FOSL1: variants seen among roughly 807,000 people sequenced by gnomAD.
FOSL1 encodes fos-related antigen 1.
Under a neutral mutation model 24.9 loss-of-function variants are expected in FOSL1, and 14 were observed. The observed-to-expected ratio is 0.56, with a 90% CI of 0.37 to 0.88. The LOEUF is 0.88. FOSL1 is among the 40% of genes least tolerant of loss of function. FOSL1 has a pLI of 0.00. For missense variants in FOSL1, 318 were observed against 359.8 expected (o/e 0.88, Z 0.94); for synonymous variants, 133 against 145.1 (o/e 0.92, Z 0.60).
rs1217333944 is a variant in FOSL1 at position 65,894,977 on chromosome 11, T to TG, written c.298-857_298-856insC. ...CGGCCTTTTTTTTTCTTTTTTTTTT[T>TG]TGTGTAGTGACGGGGTCTCACTGTG... On this transcript the variant is annotated intron_variant, in intron 2 of 3. Transcript: ENST00000312562. Among the ~76,000 whole-genome samples, 596 of 151,076 alleles carry TG rather than the reference T, an allele frequency of 3.9e-3. 9 individuals are homozygous for TG. Among genetic ancestry groups the TG allele is most frequent in the African/African-American group, 0.014 (564 of 41,184 alleles).
At chr11:65,893,758 A>G (rs1860454585) in intron 3 of FOSL1, among the ~76,000 whole-genome samples, 3 of 151,990 alleles carry the variant, frequency 2.0e-5, no homozygotes, top group Admixed American at 2.0e-4. Flanking sequence ...AGATCTCATC[A>G]CTGCACTCCA....
At chr11:65,894,230 C>G (rs996241628) in intron 2 of FOSL1, 109 bp from the exon 3 acceptor site, 6 of 741,560 alleles carry the variant, frequency 8.1e-6, no homozygotes, top group East Asian at 5.4e-5. Context: ...GGCAGGGCCC[C>G]CTCAGCCGGT....
chr11:65,896,476 C>T (rs541351441), intron 2 of FOSL1, among the ~76,000 whole-genome samples: 48 of 152,222 alleles, frequency 3.2e-4, no homozygotes, highest in African/African-American at 6.7e-4. Context: ...ATTCCGTGTG[C>T]GCACCTTACA....
intron 2 of FOSL1, among the ~76,000 whole-genome samples, chr11:65,896,033 A>G (rs951260880): frequency 6.6e-6 from 1 of 151,780 alleles, no homozygotes; most frequent in Non-Finnish European, 1.5e-5. Context: ...GTTTTATTTT[A>G]TTTTGTTTTT....
chr11:65,897,305 G>T (rs1294388765), intron 1 of FOSL1, among the ~76,000 whole-genome samples: 1 of 151,868 alleles, frequency 6.6e-6, no homozygotes, highest in Non-Finnish European at 1.5e-5. Flanking sequence ...TCATATCATT[G>T]GCACAGTAAT....
At chr11:65,899,340 C>G (rs568398057) in intron 1 of FOSL1, among the ~76,000 whole-genome samples, 1 of 152,342 alleles carries the variant, frequency 6.6e-6, no homozygotes, top group Admixed American at 6.5e-5. Context: ...ATCTCCCACT[C>G]CCGGGCCCGG....
rs761382984 is a variant in FOSL1, at chr11:65,892,731, T to C, written c.*155A>G. ...AGCTTTGGTGGCCCCAAGCTGGCTC[T>C]ACTGTGAAGCACAATATGGTCAGTC... On this transcript the variant is annotated 3_prime_UTR_variant, in exon 4 of 4. Transcript: ENST00000312562. The C allele has an allele frequency of 1.4e-5, 11 of 780,518 alleles. No individual in the cohort carries two copies. The highest frequency in any genetic ancestry group is 2.4e-5 in the Non-Finnish European group (11 of 460,544). 48.3% of individuals were successfully genotyped at this position (780,518 alleles called of 1,614,324 possible).
rs1169782209 is a variant in FOSL1 at position 65,900,274 on chromosome 11, C to T, written c.66G>A (p.Ala22=). ...CTGCCTGCGCTGCGGCCGGGGGCTG[C>T]GCGGGGCCGCCGTACCCGCCGCCGT... is the stretch of plus-strand genomic sequence containing the variant. ...SGNGGGYGGP[A]QPPAAAQAAQ... The change falls in exon 1 of 4, where the codon GCG becomes GCA. Residue 22 remains alanine, a synonymous_variant. Transcript: ENST00000312562. The T allele has an allele frequency of 1.6e-5, 20 of 1,244,524 alleles. No individual in the cohort carries two copies. The highest frequency in any genetic ancestry group is 1.9e-5 in the Non-Finnish European group (19 of 994,366). The allele number at this position is 1,244,524 out of a possible 1,614,324, so 77.1% of individuals were successfully genotyped here.
intron 1 of FOSL1, 28 bp from the exon 2 acceptor site, chr11:65,897,034 G>A: frequency 6.4e-7 from 1 of 1,571,858 alleles, no homozygotes. Context: ...GAAGGCCACA[G>A]ATGAGGTCCG....
intron 2 of FOSL1, 76 bp downstream of exon 2, chr11:65,896,733 C>T (rs1860534864): frequency 7.8e-7 from 1 of 1,280,000 alleles, no homozygotes; most frequent in African/African-American, 1.5e-5. Context: ...CTGTGCTCTC[C>T]TTTCTGGCAG....
chr11:65,896,690 G>T, intron 2 of FOSL1, 119 bp downstream of exon 2: 4 of 783,302 alleles, frequency 5.1e-6, no homozygotes, highest in Non-Finnish European at 6.1e-6. Flanking sequence ...TTGGGCAGTA[G>T]TCACCTGTAG....
Position 65,894,112 on chromosome 11 carries a change from C to T in FOSL1, c.307G>A (p.Glu103Lys). ...CTTACTCGGCGGCGCTCCTCTTCCT[C>T]CGGGCTGATCTGGGGGTGAGACCCG... ...RRRPCEQISP[E>K]EEERRRVRRE... Residue 103 changes from glutamate to lysine, a missense_variant, in exon 3 of 4, where the codon GAG (glutamate) becomes AAG (lysine). Transcript: ENST00000312562. 6.2e-7 allele frequency: 1 copy of T among 1,604,362 alleles called. No homozygotes were observed. Among genetic ancestry groups the T allele is most frequent in the Non-Finnish European group, 8.5e-7 (1 of 1,178,384 alleles).
intron 3 of FOSL1, among the ~76,000 whole-genome samples, chr11:65,893,547 T>C (rs1860449190): frequency 6.6e-6 from 1 of 152,062 alleles, no homozygotes; most frequent in South Asian, 2.1e-4. Context: ...TCCCAGCACT[T>C]TGGGAGGCTG....
Position 65,896,867 on chromosome 11 carries a change from G to A in FOSL1, c.239C>T (p.Pro80Leu), listed in dbSNP as rs1860539511. The change falls in exon 2 of 4, where the codon CCA (proline) becomes CTA (leucine). Residue 80 changes from proline to leucine, a missense_variant. Physicochemically the swap from Pro to Leu is moderately conservative, Grantham distance 98. Coordinates refer to ENST00000312562, the MANE Select transcript of FOSL1 (RefSeq NM_005438.5). The stretch of plus-strand genomic sequence containing the variant: ...CGGCCCCAGGGCCCGGATGACTCCT[G>A]GCCGGGGTTGTGGGGGGCTGTACTG... Reference protein sequence around the residue: ...YPQYSPPQPRPGVIRALGPPP... With the variant: ...YPQYSPPQPRLGVIRALGPPP... 2.5e-6 allele frequency: 4 copies of A among 1,613,800 alleles called. No homozygotes were observed. Among genetic ancestry groups the A allele is most frequent in the Non-Finnish European group, 3.4e-6 (4 of 1,179,832 alleles).
chr11:65,893,187 C>G lies in FOSL1; in HGVS notation c.515G>C (p.Cys172Ser). The G allele has an allele frequency of 6.2e-7, 1 of 1,613,990 alleles. No individual in the cohort carries two copies. The highest frequency in any genetic ancestry group is 8.5e-7 in the Non-Finnish European group (1 of 1,180,002). ...ELVLEAHRPICKIPEGAKEGD... is the reference protein window; with the variant it reads ...ELVLEAHRPISKIPEGAKEGD... ...CTCCTTGGCTCCTTCCGGGATTTTG[C>G]AGATGGGTCGGTGGGCTTCCAGCAC... is the stretch of plus-strand genomic sequence containing the variant. Residue 172 changes from cysteine to serine, a missense_variant, in exon 4 of 4, where the codon TGC becomes TCC. Coordinates refer to ENST00000312562, the MANE Select transcript of FOSL1 (RefSeq NM_005438.5).
At chr11:65,900,209 C>G in intron 1 of FOSL1, 32 bp downstream of exon 1, 1 of 1,117,158 alleles carries the variant, frequency 9.0e-7, no homozygotes. Flanking sequence ...CGCGGTCCTC[C>G]CGTGGGACCA....
intron 1 of FOSL1, among the ~76,000 whole-genome samples, chr11:65,899,520 C>A (rs971301466): frequency 3.3e-5 from 5 of 152,254 alleles, no homozygotes; most frequent in Non-Finnish European, 1.5e-5. Flanking sequence ...CCCCGGCGGG[C>A]AGCGGGCGCC....
intron 1 of FOSL1, among the ~76,000 whole-genome samples, chr11:65,897,631 C>T (rs1021341504): frequency 2.0e-4 from 30 of 152,088 alleles, no homozygotes; most frequent in Non-Finnish European, 4.0e-4. Context: ...TGAACCACAG[C>T]GCCCAGCCTA....
intron 3 of FOSL1, 34 bp from the exon 4 acceptor site, chr11:65,893,330 A>G: frequency 7.1e-7 from 1 of 1,410,774 alleles, no homozygotes; most frequent in Non-Finnish European, 9.5e-7. Context: ...CAGAAAGGTG[A>G]GGGCTGAATA....
Sources: gnomAD v4.1 joint callset for allele counts (sites outside exome capture counted in the v4.1 genomes callset) on GRCh38, gnomAD v4.1.1 for gene constraint, MANE v1.5 for transcripts, NCBI Gene and HGNC (gene_info 2026-07-23, HGNC 2026-07-21) for gene names.